The following INPP5A variants were observed in gnomAD, a reference collection of about 807,000 sequenced individuals.
The protein encoded by INPP5A is inositol polyphosphate-5-phosphatase A.
In INPP5A, 14 loss-of-function variants were observed where a neutral mutation model predicts 65.2. The ratio of observed to expected loss-of-function variants is 0.21; its 90% confidence interval spans 0.14 to 0.34. The LOEUF (loss-of-function observed/expected upper bound fraction) is 0.34, where lower values mean the gene tolerates loss of function less well. Ranked by LOEUF, INPP5A falls within the 10% of genes least tolerant of loss-of-function variation. The probability of loss-of-function intolerance (pLI) is 1.00; values close to 1 mark genes in which losing one functional copy is unlikely to be tolerated. For missense variants in INPP5A, 431 were observed against 545.6 expected (o/e 0.79, Z 2.09); for synonymous variants, 207 against 208.3 (o/e 0.99, Z 0.05).
rs779586732 is a variant in INPP5A at position 132,547,294 on chromosome 10, G to A, written c.75+9123G>A. 7.2e-5 allele frequency among the ~76,000 whole-genome samples: 11 copies of A among 152,226 alleles called. No homozygotes were observed. Among genetic ancestry groups the A allele is most frequent in the Non-Finnish European group, 1.6e-4 (11 of 68,036 alleles). On this transcript the variant is annotated intron_variant, in intron 1 of 15. Coordinates refer to ENST00000368594, the MANE Select transcript of INPP5A (RefSeq NM_005539.5). The surrounding 1 kb of genome is among the most constrained non-coding windows in gnomAD (Gnocchi z 5.5). ...TGGTTTCTGGACTGTCAGCCTTTGG[G>A]CTGAGTGAGGCGTTACTGCCATCAG...
chr10:132,735,362 A>G (rs915287298), intron 9 of INPP5A, among the ~76,000 whole-genome samples: 1 of 152,264 alleles, frequency 6.6e-6, no homozygotes, highest in Non-Finnish European at 1.5e-5. Flanking sequence ...ACAGTCGTGC[A>G]TAGCCAGAGC....
intron 2 of INPP5A, among the ~76,000 whole-genome samples, chr10:132,613,332 C>G (rs117796281): frequency 0.023 from 3,523 of 151,916 alleles, 50 homozygotes; most frequent in South Asian, 0.039. Context: ...CTTCCCGAGT[C>G]CCCCACTGAA....
Position 132,538,269 on chromosome 10 carries a change from TC to T in INPP5A, c.75+100del. 1.6e-6 allele frequency: 1 copy of T among 630,434 alleles called. No individual in the cohort carries two copies. The highest frequency in any genetic ancestry group is 2.2e-6 in the Non-Finnish European group (1 of 461,782). 39.1% of individuals were successfully genotyped at this position (630,434 alleles called of 1,614,324 possible). A position where few individuals can be genotyped will look rare whatever the true frequency, so the allele number is the denominator to read the frequency against. On this transcript the variant is annotated intron_variant, in intron 1 of 15. Transcript: ENST00000368594. This position sits in a 1 kb window ranked among gnomAD's most constrained non-coding sequence, Gnocchi z 4.1. Reference sequence around the variant, plus strand: ...AGCCTTGGACCCTGGACCGTGAACCTCCAGACCCAGAGGCCCCAGACTCTGA... The same window carrying T: ...AGCCTTGGACCCTGGACCGTGAACCTCAGACCCAGAGGCCCCAGACTCTGA...
chr10:132,570,054 T>C (rs1211057684), intron 1 of INPP5A, among the ~76,000 whole-genome samples: 1,027 of 82,536 alleles, frequency 0.012, no homozygotes, highest in South Asian at 0.018. Context: ...CTCACCTCAG[T>C]CTCCCAAAGT....
Position 132,555,899 on chromosome 10 carries a change from G to T in INPP5A, c.75+17728G>T, listed in dbSNP as rs570568440. Among the ~76,000 whole-genome samples the T allele has an allele frequency of 1.6e-4, 24 of 152,248 alleles. No individual in the cohort carries two copies. Among genetic ancestry groups the T allele is most frequent in the African/African-American group, 5.5e-4 (23 of 41,550 alleles). On this transcript the variant is annotated intron_variant, in intron 1 of 15. Coordinates refer to ENST00000368594, the MANE Select transcript of INPP5A (RefSeq NM_005539.5). This position sits in a 1 kb window ranked among gnomAD's most constrained non-coding sequence, Gnocchi z 4.4. ...TGAAAAACACGCGTTTCCCCTTTTC[G>T]TAAGAGGATGAACAGCCTCTCACCT... is the stretch of plus-strand genomic sequence containing the variant.
At chr10:132,543,868 C>G (rs767179088) in intron 1 of INPP5A, among the ~76,000 whole-genome samples, 1 of 152,182 alleles carries the variant, frequency 6.6e-6, no homozygotes, top group Non-Finnish European at 1.5e-5. Context: ...CCTTTAAGTT[C>G]GGGTGAACAG....
At chr10:132,657,412 G>A (rs112955826) in intron 4 of INPP5A, among the ~76,000 whole-genome samples, 5,337 of 152,284 alleles carry the variant, frequency 0.035, 306 homozygotes, top group African/African-American at 0.12. Flanking sequence ...CCTCCCCCGC[G>A]GCTGGGTCTG....
chr10:132,717,784 C>T (rs559340174), intron 8 of INPP5A, among the ~76,000 whole-genome samples: 10 of 146,448 alleles, frequency 6.8e-5, no homozygotes, highest in South Asian at 2.2e-4. Context: ...GCACCTTAGA[C>T]GACTGTCTTC....
rs2072766486 is a variant in INPP5A, at chr10:132,663,742, G to A, written c.306+13237G>A. ...TCATTGCGCTTTCCTTGCCTTTTGG[G>A]GAGGGTCCCTGGTGCTCTGTGAGCA... On this transcript the variant is annotated intron_variant, in intron 4 of 15. Coordinates refer to ENST00000368594, the MANE Select transcript of INPP5A (RefSeq NM_005539.5). This position sits in a 1 kb window ranked among gnomAD's most constrained non-coding sequence, Gnocchi z 4.5. Among the ~76,000 whole-genome samples, 1 of 152,148 alleles carries A rather than the reference G, an allele frequency of 6.6e-6. No individual in the cohort carries two copies. Among genetic ancestry groups the A allele is most frequent in the Admixed American group, 6.5e-5 (1 of 15,286 alleles).
At chr10:132,780,289 G>A (rs1005495332) in intron 13 of INPP5A, among the ~76,000 whole-genome samples, 2 of 152,374 alleles carry the variant, frequency 1.3e-5, no homozygotes, top group South Asian at 2.1e-4. Context: ...TGGGAAGTGC[G>A]CACACAGCCG....
chr10:132,614,772 G>A (rs1029833805), intron 2 of INPP5A, among the ~76,000 whole-genome samples: 7 of 152,256 alleles, frequency 4.6e-5, no homozygotes, highest in Non-Finnish European at 8.8e-5. Flanking sequence ...CGCAAGGAGA[G>A]GACTCCATCC....
chr10:132,755,682 G>T (rs572299791), intron 11 of INPP5A, among the ~76,000 whole-genome samples: 1 of 152,220 alleles, frequency 6.6e-6, no homozygotes, highest in East Asian at 1.9e-4. Flanking sequence ...ATGTGAGTGG[G>T]TGTGTGTGGG....
chr10:132,779,207 C>T (rs2134696372), intron 13 of INPP5A, among the ~76,000 whole-genome samples: 1 of 152,380 alleles, frequency 6.6e-6, no homozygotes, highest in East Asian at 1.9e-4. Context: ...CAGGAGTGGG[C>T]TCGGCCTGGA....
At chr10:132,776,960 G>T (rs906261461) in intron 12 of INPP5A, among the ~76,000 whole-genome samples, 1 of 152,200 alleles carries the variant, frequency 6.6e-6, no homozygotes, top group Non-Finnish European at 1.5e-5. Context: ...CAGATGAGCT[G>T]TGCCCTGGCC....
At chr10:132,646,706 A>G (rs1238116309) in intron 3 of INPP5A, among the ~76,000 whole-genome samples, 2 of 152,200 alleles carry the variant, frequency 1.3e-5, no homozygotes, top group Non-Finnish European at 2.9e-5. Flanking sequence ...TCTTCACAGC[A>G]TGAGGGCTTC....
chr10:132,644,910 G>A lies in INPP5A; in HGVS notation c.118-958G>A, dbSNP rs886940836. Among the ~76,000 whole-genome samples the A allele has an allele frequency of 6.6e-6, 1 of 152,190 alleles. No homozygotes were observed. Among genetic ancestry groups the A allele is most frequent in the Non-Finnish European group, 1.5e-5 (1 of 68,016 alleles). On this transcript the variant is annotated intron_variant, in intron 2 of 15. Coordinates refer to ENST00000368594, the MANE Select transcript of INPP5A (RefSeq NM_005539.5). The surrounding 1 kb of genome is among the most constrained non-coding windows in gnomAD (Gnocchi z 6.5). Reference sequence around the variant, plus strand: ...CTGGCCTGTCAGGACTCCCATGAGTGGCGAGGTGTGCGGTGTGGGGCAGTG... The same window carrying A: ...CTGGCCTGTCAGGACTCCCATGAGTAGCGAGGTGTGCGGTGTGGGGCAGTG...
At chr10:132,574,586 G>A (rs11146420) in intron 1 of INPP5A, among the ~76,000 whole-genome samples, 1 of 151,682 alleles carries the variant, frequency 6.6e-6, no homozygotes, top group Non-Finnish European at 1.5e-5. Context: ...AGAGGTCTTA[G>A]GGAGGGTGTT....
At chr10:132,633,632 G>A (rs567235739) in intron 2 of INPP5A, among the ~76,000 whole-genome samples, 82 of 152,282 alleles carry the variant, frequency 5.4e-4, no homozygotes, top group Non-Finnish European at 1.0e-3. Context: ...CCCTGGCCTT[G>A]CCATTATGAG....
intron 13 of INPP5A, 133 bp downstream of exon 13, chr10:132,777,915 C>T: frequency 6.7e-7 from 1 of 1,502,616 alleles, no homozygotes; most frequent in Admixed American, 2.1e-5. Context: ...TGGGCCCTGA[C>T]CTCGTGCTGC....
Sources: gnomAD v4.1 joint callset for allele counts (sites outside exome capture counted in the v4.1 genomes callset) on GRCh38, gnomAD v4.1.1 for gene constraint, Gnocchi (gnomAD v3.1) non-coding constraint, MANE v1.5 for transcripts, NCBI Gene and HGNC (gene_info 2026-07-23, HGNC 2026-07-21) for gene names.